The following KLHL28 variants were observed in gnomAD, a reference collection of about 807,000 sequenced individuals.
KLHL28 encodes the protein kelch-like protein 28.
KLHL28 carries 22 observed loss-of-function variants against 48.3 expected under a neutral mutation model. The observed-to-expected ratio is 0.46, with a 90% CI of 0.33 to 0.65. KLHL28 has a LOEUF of 0.65. KLHL28 is among the 30% of genes least tolerant of loss of function. The pLI is 0.03. For missense variants in KLHL28, 527 were observed against 704.3 expected, an observed-to-expected ratio of 0.75 and a Z score of 2.85; for synonymous variants, 243 against 242.4, an observed-to-expected ratio of 1.00 and a Z score of -0.02.
intron 1 of KLHL28, among the ~76,000 whole-genome samples, chr14:44,946,718 G>A (rs138319527): frequency 4.3e-4 from 65 of 152,086 alleles, no homozygotes; most frequent in African/African-American, 1.5e-3. Context: ...AACATGCCTG[G>A]CTAATTTTTA....
chr14:44,944,955 AAAT>A, intron 2 of KLHL28, 72 bp downstream of exon 2: 1 of 1,109,414 alleles, frequency 9.0e-7, no homozygotes, highest in Non-Finnish European at 1.3e-6. Flanking sequence ...ACTATTTTTA[AAAT>A]ATAGAAAATC....
rs567244294 is a variant in KLHL28, at chr14:44,961,936, C to G, written c.-91G>C. On this transcript the variant is annotated 5_prime_UTR_variant, in exon 1 of 5. Transcript: ENST00000396128. ...GGATCCTCACTAGCTCCGGTCAAAC[C>G]CTAACTCTTACGGGTGGGGCGGGCA... 1.2e-4 allele frequency: 19 copies of G among 154,308 alleles called. No individual in the cohort carries two copies. In the South Asian group the frequency reaches 3.8e-3, roughly 30 times the overall value. The allele number at this position is 154,308 out of a possible 1,614,324, so 9.6% of individuals were successfully genotyped here. A position where few individuals can be genotyped will look rare whatever the true frequency, so the allele number is the denominator to read the frequency against.
chr14:44,933,291 C>T (rs900141761), intron 3 of KLHL28, among the ~76,000 whole-genome samples: 1 of 151,020 alleles, frequency 6.6e-6, no homozygotes, highest in Non-Finnish European at 1.5e-5. Context: ...ATTAAAGATA[C>T]AATCTTTTCT....
chr14:44,954,500 A>G (rs1006023252), intron 1 of KLHL28, among the ~76,000 whole-genome samples: 6 of 152,234 alleles, frequency 3.9e-5, no homozygotes, highest in Admixed American at 3.9e-4. Flanking sequence ...ACAATGCAGT[A>G]CTATACAGCG....
intron 1 of KLHL28, among the ~76,000 whole-genome samples, chr14:44,951,568 A>G (rs958524223): frequency 2.0e-5 from 3 of 152,232 alleles, no homozygotes; most frequent in East Asian, 3.8e-4. Context: ...ATTTTACTCC[A>G]TAATAATAGA....
At chr14:44,958,265 C>G (rs534238584) in intron 1 of KLHL28, among the ~76,000 whole-genome samples, 3 of 152,008 alleles carry the variant, frequency 2.0e-5, no homozygotes, top group Admixed American at 2.0e-4. Flanking sequence ...TTGTACCTAT[C>G]TACTTAATTG....
rs569504325 is a variant in KLHL28, at chr14:44,939,511, G to A, written c.900-4953C>T. 1.4e-4 allele frequency among the ~76,000 whole-genome samples: 21 copies of A among 151,972 alleles called. 3 individuals carry two copies. Among genetic ancestry groups the A allele is most frequent in the East Asian group, 3.9e-4 (2 of 5,178 alleles). On this transcript the variant is annotated intron_variant, in intron 2 of 4. Transcript: ENST00000396128. ...ATTTTTAAATCATTTCTTCCCTCTC[G>A]CACCTTACTATATGCAGTTAAAAGC...
rs965627736 is a variant in KLHL28 at position 44,925,002 on chromosome 14, G to T, written c.*4026C>A. The T allele has an allele frequency of 6.6e-6, 1 of 152,464 alleles. No homozygotes were observed. The highest frequency in any genetic ancestry group is 6.5e-5 in the Admixed American group (1 of 15,280). 9.4% of individuals were successfully genotyped at this position (152,464 alleles called of 1,614,324 possible). A position where few individuals can be genotyped will look rare whatever the true frequency, so the allele number is the denominator to read the frequency against. ...TCAACACCAAATCAATGTACTGTAA[G>T]TGAAAATCCAGTACATATCCAGCCA... On this transcript the variant is annotated 3_prime_UTR_variant, in exon 5 of 5. Coordinates refer to ENST00000396128, the MANE Select transcript of KLHL28 (RefSeq NM_017658.5).
chr14:44,930,601 CAAAG>C (rs1352056969), intron 4 of KLHL28, among the ~76,000 whole-genome samples: 2 of 152,238 alleles, frequency 1.3e-5, no homozygotes, highest in African/African-American at 4.8e-5. Flanking sequence ...ATATGATGCT[CAAAG>C]AAAGTGTTCA....
At chr14:44,934,010 CG>C in intron 3 of KLHL28, 104 bp downstream of exon 3, 1 of 824,182 alleles carries the variant, frequency 1.2e-6, no homozygotes, top group East Asian at 2.7e-5. Flanking sequence ...TCCCAAATGC[CG>C]GAAGTTCATT....
At chr14:44,961,096 G>T in intron 1 of KLHL28, 1 of 428,184 alleles carries the variant, frequency 2.3e-6, no homozygotes, top group East Asian at 3.5e-5. Context: ...CACTTATGAG[G>T]AGAAAATGCA....
intron 1 of KLHL28, among the ~76,000 whole-genome samples, chr14:44,952,154 A>G (rs576410511): frequency 6.6e-6 from 1 of 152,298 alleles, no homozygotes; most frequent in Middle Eastern, 3.4e-3. Flanking sequence ...GCCACTGAGC[A>G]TGACCAAATT....
chr14:44,942,617 C>A (rs997532845), intron 2 of KLHL28, among the ~76,000 whole-genome samples: 4 of 151,976 alleles, frequency 2.6e-5, no homozygotes, highest in African/African-American at 9.7e-5. Flanking sequence ...TGGTTAGAAC[C>A]CTTTACTTCT....
At chr14:44,929,513 C>T (rs953721679) in intron 4 of KLHL28, among the ~76,000 whole-genome samples, 1 of 152,122 alleles carries the variant, frequency 6.6e-6, no homozygotes, top group African/African-American at 2.4e-5. Context: ...TAATCTCTTA[C>T]TGCGCCTAAT....
intron 1 of KLHL28, among the ~76,000 whole-genome samples, chr14:44,951,728 TA>T (rs1884589545): frequency 6.6e-6 from 1 of 152,252 alleles, no homozygotes; most frequent in East Asian, 1.9e-4. Context: ...AGTTTAATTT[TA>T]AAAATTATAG....
Position 44,927,057 on chromosome 14 carries a change from ATAT to A in KLHL28, c.*1968_*1970del, listed in dbSNP as rs1470670515. The A allele has an allele frequency of 1.3e-5, 2 of 152,600 alleles. No individual in the cohort carries two copies. The highest frequency in any genetic ancestry group is 2.9e-5 in the Non-Finnish European group (2 of 68,014). The allele number at this position is 152,600 out of a possible 1,614,324, so 9.5% of individuals were successfully genotyped here. On this transcript the variant is annotated 3_prime_UTR_variant, in exon 5 of 5. Transcript: ENST00000396128. The stretch of plus-strand genomic sequence containing the variant: ...AAATCAATGAAAAAGTTATTGCTAT[ATAT>A]TATTATGTTATTCAGACAAGCAACA...
intron 2 of KLHL28, among the ~76,000 whole-genome samples, chr14:44,938,739 G>A (rs1256172021): frequency 6.6e-6 from 1 of 152,174 alleles, no homozygotes. Context: ...GGATACACTG[G>A]GGCAGGAGTT....
intron 1 of KLHL28, among the ~76,000 whole-genome samples, chr14:44,957,917 A>G (rs1222009283): frequency 6.6e-6 from 1 of 152,102 alleles, no homozygotes; most frequent in Non-Finnish European, 1.5e-5. Flanking sequence ...TCATTCATAT[A>G]AAATCTTTAT....
chr14:44,932,425 A>G (rs1309752886), intron 3 of KLHL28, among the ~76,000 whole-genome samples: 2 of 152,146 alleles, frequency 1.3e-5, no homozygotes, highest in African/African-American at 2.4e-5. Context: ...AACGTGTGGC[A>G]TTTCTAAGCT....
Sources: gnomAD v4.1 joint callset for allele counts (sites outside exome capture counted in the v4.1 genomes callset) on GRCh38, gnomAD v4.1.1 for gene constraint, MANE v1.5 for transcripts, NCBI Gene and HGNC (gene_info 2026-07-23, HGNC 2026-07-21) for gene names.